The following GLP2R variants were observed in gnomAD, a reference collection of about 807,000 sequenced individuals.
The protein encoded by GLP2R is glucagon like peptide 2 receptor, also known as glucagon-like peptide 2 receptor.
GLP2R carries 59 observed loss-of-function variants against 68.2 expected under a neutral mutation model. That is an observed-to-expected ratio of 0.87 (90% CI 0.70 to 1.07). GLP2R has a LOEUF of 1.07. Ranked by LOEUF, GLP2R falls within the 50% of genes least tolerant of loss-of-function variation. The pLI is 0.00. For synonymous variants in GLP2R, 270 were observed against 265.4 expected (o/e 1.02, Z -0.17); for missense variants, 548 against 677.4 (o/e 0.81, Z 2.12).
intron 4 of GLP2R, among the ~76,000 whole-genome samples, chr17:9,843,354 G>C (rs1010681195): frequency 6.6e-6 from 1 of 152,224 alleles, no homozygotes; most frequent in East Asian, 1.9e-4. Context: ...CCTGGTGCAA[G>C]TTACCTCATC....
intron 1 of GLP2R, among the ~76,000 whole-genome samples, chr17:9,833,456 A>G (rs1350077829): frequency 6.6e-6 from 1 of 152,216 alleles, no homozygotes; most frequent in Non-Finnish European, 1.5e-5. Flanking sequence ...TCTTAGTGTG[A>G]TGCGTCTCTC....
In GLP2R at chr17:9,850,331, C is replaced by T. The variant is rs375914091; in HGVS notation, c.505-4164C>T. ...ACAATTAAACCAACTGTAGCAGGTG[C>T]TCTTGGCGCCCTGCCCGTATCCCTT... is the stretch of plus-strand genomic sequence containing the variant. On this transcript the variant is annotated intron_variant, in intron 4 of 12. Transcript: ENST00000262441. Among the ~76,000 whole-genome samples the T allele has an allele frequency of 1.1e-4, 16 of 152,346 alleles. No homozygotes were observed. The East Asian group carries it at 1.2e-3, about 11-fold the overall frequency.
chr17:9,880,293 C>A, intron 10 of GLP2R, 85 bp from the exon 11 acceptor site: 1 of 826,898 alleles, frequency 1.2e-6, no homozygotes, highest in Non-Finnish European at 2.0e-6. Context: ...GTAAGAGCTG[C>A]AACAAAGTCA....
At position 9,857,414 on chromosome 17, in the gene GLP2R, C is replaced by T; in HGVS notation, c.612-9C>T. ...CTGAGGGAAGGCATTTGGTTTTCTC[C>T]TCGCACAGAAAACTCCACTGCACGC... On this transcript the variant is annotated splice_polypyrimidine_tract_variant and intron_variant, in intron 5 of 12. Coordinates refer to ENST00000262441, the MANE Select transcript of GLP2R (RefSeq NM_004246.3). The T allele has an allele frequency of 6.2e-7, 1 of 1,613,888 alleles. No individual in the cohort carries two copies. The highest frequency in any genetic ancestry group is 8.5e-7 in the Non-Finnish European group (1 of 1,179,818).
intron 1 of GLP2R, among the ~76,000 whole-genome samples, chr17:9,827,902 A>G (rs1243416429): frequency 6.8e-6 from 1 of 147,350 alleles, no homozygotes; most frequent in Non-Finnish European, 1.5e-5. Flanking sequence ...TGGAGGTTGC[A>G]GTGAGCCAAG....
At position 9,862,061 on chromosome 17, in the gene GLP2R, A is replaced by G. The variant is rs986231021; in HGVS notation, c.1027A>G (p.Ile343Val). The change falls in exon 9 of 13, where the codon ATC becomes GTC. Residue 343 changes from isoleucine to valine, a missense_variant. By Grantham distance (29) the Ile-to-Val change is conservative. Coordinates refer to ENST00000262441, the MANE Select transcript of GLP2R (RefSeq NM_004246.3). ...TNGNKKIWWI[I>V]RGPMMLCVTV... ...TGGGAATAAGAAAATCTGGTGGATCATCCGAGGACCCATGATGCTCTGTGT... is the reference window on the plus strand; with the variant it reads ...TGGGAATAAGAAAATCTGGTGGATCGTCCGAGGACCCATGATGCTCTGTGT... 6.2e-7 allele frequency: 1 copy of G among 1,613,770 alleles called. No individual in the cohort carries two copies. The highest frequency in any genetic ancestry group is 8.5e-7 in the Non-Finnish European group (1 of 1,179,650).
intron 7 of GLP2R, among the ~76,000 whole-genome samples, chr17:9,860,663 A>G (rs1243092285): frequency 2.0e-5 from 3 of 152,184 alleles, no homozygotes; most frequent in African/African-American, 7.2e-5. Context: ...CTCTGTCTCC[A>G]AATACCATCA....
At chr17:9,847,503 C>T (rs111274506) in intron 4 of GLP2R, among the ~76,000 whole-genome samples, 25,230 of 152,054 alleles carry the variant, frequency 0.17, 2,852 homozygotes, top group Non-Finnish European at 0.25. Context: ...TGCCTGACCT[C>T]GTGATCTGTC....
chr17:9,858,305 C>T (rs1321019761), intron 6 of GLP2R, among the ~76,000 whole-genome samples: 3 of 152,214 alleles, frequency 2.0e-5, no homozygotes, highest in Non-Finnish European at 4.4e-5. Context: ...ACGCAGTAAC[C>T]TATTAAACTA....
chr17:9,869,398 A>G (rs2067070936), intron 9 of GLP2R, among the ~76,000 whole-genome samples: 1 of 152,194 alleles, frequency 6.6e-6, no homozygotes, highest in Non-Finnish European at 1.5e-5. Flanking sequence ...CCCTGCAGAA[A>G]CGGACCCCCC....
intron 10 of GLP2R, among the ~76,000 whole-genome samples, chr17:9,871,602 T>C (rs974250846): frequency 6.6e-6 from 1 of 152,160 alleles, no homozygotes; most frequent in African/African-American, 2.4e-5. Flanking sequence ...GCAGTCCTCA[T>C]TCATAGTCAG....
chr17:9,831,311 A>G (rs1420868399), intron 1 of GLP2R, among the ~76,000 whole-genome samples: 1 of 152,168 alleles, frequency 6.6e-6, no homozygotes, highest in East Asian at 1.9e-4. Context: ...AGCCTCTGGA[A>G]ATGAAGGACA....
rs529844836 is a variant in GLP2R at position 9,857,629 on chromosome 17, C to G, written c.765+53C>G. ...GGACTCCCCACCTGATGGGTCAGTACTGGGAATCAGAAGGCAGGCAGGTGG... is the reference window on the plus strand; with the variant it reads ...GGACTCCCCACCTGATGGGTCAGTAGTGGGAATCAGAAGGCAGGCAGGTGG... On this transcript the variant is annotated intron_variant, in intron 6 of 12. Transcript: ENST00000262441. The G allele has an allele frequency of 2.3e-5, 36 of 1,567,742 alleles. No homozygotes were observed. In the African/African-American group the frequency reaches 4.2e-4, roughly 18 times the overall value.
chr17:9,873,566 T>TTTTG, intron 10 of GLP2R, among the ~76,000 whole-genome samples: 1 of 141,768 alleles, frequency 7.1e-6, no homozygotes, highest in South Asian at 2.2e-4. Context: ...CTTTTTTTTT[T>TTTTG]TTTTTTTTTT....
rs893236811 is a variant in GLP2R, at chr17:9,861,898, G to A, written c.987-123G>A. ...CTTCTGCCTCTCCCACCCCTCAGGGGACTGATTGGTGGGAAGTAGGGCTTG... is the reference window on the plus strand; with the variant it reads ...CTTCTGCCTCTCCCACCCCTCAGGGAACTGATTGGTGGGAAGTAGGGCTTG... On this transcript the variant is annotated intron_variant, in intron 8 of 12. Coordinates refer to ENST00000262441, the MANE Select transcript of GLP2R (RefSeq NM_004246.3). 5 of 745,060 alleles carry A rather than the reference G, an allele frequency of 6.7e-6. No homozygotes were observed. In the Admixed American group the frequency reaches 9.5e-5, roughly 14 times the overall value. 46.2% of individuals were successfully genotyped at this position (745,060 alleles called of 1,614,324 possible). A position where few individuals can be genotyped will look rare whatever the true frequency, so the allele number is the denominator to read the frequency against.
At chr17:9,875,833 C>A (rs1184342939) in intron 10 of GLP2R, among the ~76,000 whole-genome samples, 1 of 152,212 alleles carries the variant, frequency 6.6e-6, no homozygotes, top group Non-Finnish European at 1.5e-5. Flanking sequence ...TGGGATGCAC[C>A]TGGGCAGAGC....
chr17:9,885,435 C>T (rs577443261), intron 11 of GLP2R, among the ~76,000 whole-genome samples: 5 of 151,998 alleles, frequency 3.3e-5, no homozygotes, highest in African/African-American at 1.2e-4. Context: ...ATGTGATTTT[C>T]GGCTGGGGCT....
At chr17:9,871,726 T>C (rs533752232) in intron 10 of GLP2R, among the ~76,000 whole-genome samples, 15 of 140,562 alleles carry the variant, frequency 1.1e-4, no homozygotes, top group South Asian at 9.7e-4. Context: ...TCTTTCTTTT[T>C]TTTTTTTTTT....
chr17:9,869,780 T>C (rs2067075646), intron 9 of GLP2R, among the ~76,000 whole-genome samples: 1 of 152,220 alleles, frequency 6.6e-6, no homozygotes, highest in Non-Finnish European at 1.5e-5. Flanking sequence ...GCCATCCTTT[T>C]GAGGACCTAG....
Sources: allele counts gnomAD v4.1 joint callset (sites outside exome capture counted in the v4.1 genomes callset), GRCh38; gene constraint gnomAD v4.1.1; transcripts MANE v1.5; gene names NCBI Gene and HGNC (gene_info 2026-07-23, HGNC 2026-07-21).